Variants in TUSC3 observed in about 807,000 individuals in gnomAD.
TUSC3 encodes dolichyl-diphosphooligosaccharide--protein glycosyltransferase subunit TUSC3.
Under a neutral mutation model 44.8 loss-of-function variants are expected in TUSC3, and 45 were observed. That is an observed-to-expected ratio of 1.00 (90% CI 0.79 to 1.29). TUSC3 has a LOEUF of 1.29. TUSC3 is among the 50% of genes most tolerant of loss of function. The pLI, the probability that TUSC3 is intolerant of heterozygous loss-of-function variation, is 0.00. For missense variants in TUSC3, 519 were observed against 437.9 expected (o/e 1.19, Z -1.65); for synonymous variants, 212 against 152.9 (o/e 1.39, Z -2.85).
intron 6 of TUSC3, among the ~76,000 whole-genome samples, chr8:15,704,902 AC>A (rs948624247): frequency 4.6e-5 from 7 of 151,892 alleles, no homozygotes; most frequent in African/African-American, 1.5e-4. Context: ...TAATCACAAA[AC>A]AGTTAGAACC....
At chr8:15,498,616 T>C (rs1800913952) in intron 2 of TUSC3, among the ~76,000 whole-genome samples, 1 of 152,178 alleles carries the variant, frequency 6.6e-6, no homozygotes, top group East Asian at 1.9e-4. Context: ...AGGTGGAGAG[T>C]TGGAAATAAC....
intron 5 of TUSC3, among the ~76,000 whole-genome samples, chr8:15,662,562 G>C (rs994837759): frequency 6.6e-6 from 1 of 151,934 alleles, no homozygotes; most frequent in African/African-American, 2.4e-5. Context: ...TAGAAATATG[G>C]TAAGACTTGA....
chr8:15,676,044 C>G (rs1447875794), intron 6 of TUSC3, among the ~76,000 whole-genome samples: 1 of 152,146 alleles, frequency 6.6e-6, no homozygotes, highest in Non-Finnish European at 1.5e-5. Context: ...AATTTACATT[C>G]CCACCAGCAG....
chr8:15,802,407 A>G, the TUSC3 span, among the ~76,000 whole-genome samples: 1 of 152,152 alleles, frequency 6.6e-6, no homozygotes, highest in Non-Finnish European at 1.5e-5. Context: ...ATAGGAAGAA[A>G]TATAAATAAT....
At chr8:15,712,296 T>C (rs1809886882) in intron 6 of TUSC3, among the ~76,000 whole-genome samples, 1 of 152,044 alleles carries the variant, frequency 6.6e-6, no homozygotes, top group Admixed American at 6.6e-5. Context: ...TTGATTCTTT[T>C]AGCAAACTAT....
chr8:15,700,289 TGTGTAGCTCTGGGGGTGTA>T (rs1468857874), intron 6 of TUSC3, among the ~76,000 whole-genome samples: 1 of 152,176 alleles, frequency 6.6e-6, no homozygotes, highest in Non-Finnish European at 1.5e-5. Flanking sequence ...CTTTTCCCTC[TGTGTAGCTCTGGGGGTGTA>T]ACAGTATTCT....
intron 2 of TUSC3, among the ~76,000 whole-genome samples, chr8:15,530,954 A>G (rs527428236): frequency 5.9e-5 from 9 of 152,298 alleles, no homozygotes; most frequent in Non-Finnish European, 1.0e-4. Context: ...GTGTCACCCC[A>G]GAAAACACTG....
rs946554489 is a variant in TUSC3 at position 15,602,056 on chromosome 8, G to A, written c.139-21024G>A. On this transcript the variant is annotated intron_variant, in intron 1 of 10. Transcript: ENST00000503731. Reference sequence around the variant, plus strand: ...TGACCCTAAACCCAAAACTTTGTGAGCACTGACATGATGCTCAAAGGAAAT... The same window carrying A: ...TGACCCTAAACCCAAAACTTTGTGAACACTGACATGATGCTCAAAGGAAAT... 2.2e-4 allele frequency among the ~76,000 whole-genome samples: 33 copies of A among 151,398 alleles called. 1 individual carries two copies.
intron 1 of TUSC3, among the ~76,000 whole-genome samples, chr8:15,577,790 G>T (rs371794309): frequency 1.4e-5 from 2 of 145,114 alleles, no homozygotes; most frequent in African/African-American, 5.2e-5. Flanking sequence ...TTGACTTGGC[G>T]ATGCGGGCTC....
intron 6 of TUSC3, among the ~76,000 whole-genome samples, chr8:15,699,738 C>T (rs1809317810): frequency 6.6e-6 from 1 of 152,092 alleles, no homozygotes; most frequent in Admixed American, 6.6e-5. Flanking sequence ...GTGCCCTTTA[C>T]AAAGAGTATG....
intron 9 of TUSC3, among the ~76,000 whole-genome samples, chr8:15,755,766 A>G (rs1459042514): frequency 1.3e-5 from 2 of 152,206 alleles, no homozygotes; most frequent in East Asian, 3.8e-4. Context: ...TGTTATGTTC[A>G]GAAAGGAAGA....
intron 1 of TUSC3, among the ~76,000 whole-genome samples, chr8:15,620,976 G>T (rs768875880): frequency 6.9e-6 from 1 of 144,356 alleles, no homozygotes; most frequent in African/African-American, 2.4e-5. Context: ...TTAAAAGATT[G>T]TGTGTGGTGT....
chr8:15,455,423 A>C (rs1363248833), intron 1 of TUSC3, among the ~76,000 whole-genome samples: 2 of 152,090 alleles, frequency 1.3e-5, no homozygotes, highest in African/African-American at 4.8e-5. Flanking sequence ...ATACACACCT[A>C]TGTATACACG....
intron 2 of TUSC3, among the ~76,000 whole-genome samples, chr8:15,501,540 T>A (rs539106719): frequency 2.0e-5 from 3 of 152,300 alleles, no homozygotes; most frequent in African/African-American, 7.2e-5. Context: ...GGAATCATGG[T>A]AGGTTTTCTT....
intron 2 of TUSC3, among the ~76,000 whole-genome samples, chr8:15,524,183 C>A (rs1364672984): frequency 6.6e-6 from 1 of 151,968 alleles, no homozygotes; most frequent in East Asian, 1.9e-4. Context: ...TGTGATCATA[C>A]TGCATATTTT....
At chr8:15,631,960 G>T (rs1805788106) in intron 2 of TUSC3, among the ~76,000 whole-genome samples, 1 of 152,068 alleles carries the variant, frequency 6.6e-6, no homozygotes, top group South Asian at 2.1e-4. Flanking sequence ...GCCTGCCTTG[G>T]CCTCCCAAAG....
At chr8:15,423,425 C>T (rs1799762541) in intron 1 of TUSC3, among the ~76,000 whole-genome samples, 1 of 152,152 alleles carries the variant, frequency 6.6e-6, no homozygotes. Context: ...CTAGTGCGTT[C>T]CATAAGTCTG....
the TUSC3 span, among the ~76,000 whole-genome samples, chr8:15,844,716 G>C: frequency 6.6e-6 from 1 of 152,136 alleles, no homozygotes; most frequent in Non-Finnish European, 1.5e-5. Flanking sequence ...TCTGTATTGA[G>C]ATTAGCATGC....
intron 9 of TUSC3, among the ~76,000 whole-genome samples, chr8:15,750,489 T>C (rs1811649632): frequency 6.6e-6 from 1 of 152,130 alleles, no homozygotes; most frequent in African/African-American, 2.4e-5. Flanking sequence ...CTATTTTTGT[T>C]ACGATAGGAA....
Sources: gnomAD v4.1 joint callset for allele counts (sites outside exome capture counted in the v4.1 genomes callset) on GRCh38, gnomAD v4.1.1 for gene constraint, MANE v1.5 for transcripts, NCBI Gene and HGNC (gene_info 2026-07-23, HGNC 2026-07-21) for gene names.